MGMT: variants seen among roughly 807,000 people sequenced by gnomAD.
The protein encoded by MGMT is methylated-DNA--protein-cysteine methyltransferase.
MGMT carries 14 observed loss-of-function variants against 15.9 expected under a neutral mutation model. The observed-to-expected ratio is 0.88, with a 90% CI of 0.58 to 1.37. The LOEUF (loss-of-function observed/expected upper bound fraction) is 1.37, where lower values mean the gene tolerates loss of function less well. Among genes scored for constraint, MGMT ranks in the 40% most tolerant of loss-of-function variants. The probability of loss-of-function intolerance (pLI) is 0.00; values close to 1 mark genes in which losing one functional copy is unlikely to be tolerated. For synonymous variants in MGMT, 130 were observed against 118.2 expected, an observed-to-expected ratio of 1.10 and a Z score of -0.65; for missense variants, 282 against 268.1, an observed-to-expected ratio of 1.05 and a Z score of -0.36.
At chr10:129,648,130 A>G (rs1243532641) in intron 2 of MGMT, among the ~76,000 whole-genome samples, 1 of 152,216 alleles carries the variant, frequency 6.6e-6, no homozygotes. Context: ...GATTGTGACA[A>G]TACAATATTA....
In MGMT at chr10:129,657,674, A is replaced by AGC. The variant is rs71478948; in HGVS notation, c.126-50221_126-50220insGC. 4.3e-5 allele frequency among the ~76,000 whole-genome samples: 4 copies of AGC among 93,458 alleles called. No homozygotes were observed. The East Asian group carries it at 1.7e-3, about 39-fold the overall frequency. The allele number at this position is 93,458 out of a possible 152,430, so 61.3% of individuals were successfully genotyped here. On this transcript the variant is annotated intron_variant, in intron 2 of 4. Transcript: ENST00000651593. ...GGGGGACAGGCTGGCCAGCTCCTCC[A>AGC]ACACACACACACACACACACACACA...
chr10:129,711,023 C>T (rs1045399986), intron 3 of MGMT, among the ~76,000 whole-genome samples: 1 of 152,154 alleles, frequency 6.6e-6, no homozygotes, highest in South Asian at 2.1e-4. Context: ...TGAGCTCATC[C>T]TTGAGTTCCA....
At chr10:129,622,793 A>G (rs1278068737) in intron 2 of MGMT, among the ~76,000 whole-genome samples, 1 of 126,700 alleles carries the variant, frequency 7.9e-6, no homozygotes, top group Non-Finnish European at 1.7e-5. Context: ...AATGGCCTGT[A>G]AAAAAAAAAA....
intron 2 of MGMT, among the ~76,000 whole-genome samples, chr10:129,599,053 G>A (rs1846786225): frequency 6.6e-6 from 1 of 152,226 alleles, no homozygotes. Flanking sequence ...ATTTAAAGGA[G>A]TTTAATTGAG....
chr10:129,712,555 C>G (rs1474135780), intron 3 of MGMT, among the ~76,000 whole-genome samples: 4 of 152,118 alleles, frequency 2.6e-5, no homozygotes, highest in African/African-American at 4.8e-5. Context: ...AAAAGCGCCT[C>G]TAACAAAAGC....
chr10:129,508,520 C>CTTTTTTTTTTT (rs11311009), intron 1 of MGMT, among the ~76,000 whole-genome samples: 2 of 141,536 alleles, frequency 1.4e-5, no homozygotes, highest in Non-Finnish European at 1.5e-5. Context: ...TTCTTTCTTT[C>CTTTTTTTTTTT]TTTTTTTTTT....
chr10:129,630,668 G>T (rs1847199837), intron 2 of MGMT, among the ~76,000 whole-genome samples: 1 of 152,160 alleles, frequency 6.6e-6, no homozygotes, highest in South Asian at 2.1e-4. Context: ...ACAGAAGGAA[G>T]ATTTTTGTGG....
chr10:129,596,754 G>A (rs569622419), intron 2 of MGMT, among the ~76,000 whole-genome samples: 1 of 152,216 alleles, frequency 6.6e-6, no homozygotes, highest in South Asian at 2.1e-4. Context: ...GGACAGCTAG[G>A]TCGTGCTTGC....
intron 1 of MGMT, among the ~76,000 whole-genome samples, chr10:129,517,385 C>T (rs537563355): frequency 6.6e-6 from 1 of 152,374 alleles, no homozygotes; most frequent in East Asian, 1.9e-4. Context: ...TGCCCCACCT[C>T]ACCTCTGTTC....
At chr10:129,580,739 C>A (rs570049231) in intron 2 of MGMT, among the ~76,000 whole-genome samples, 7 of 152,336 alleles carry the variant, frequency 4.6e-5, no homozygotes, top group Admixed American at 4.6e-4. Context: ...ATTGGGGATA[C>A]CCCGTGACCA....
intron 2 of MGMT, among the ~76,000 whole-genome samples, chr10:129,602,259 G>A (rs974262656): frequency 1.3e-5 from 2 of 151,880 alleles, no homozygotes; most frequent in African/African-American, 2.4e-5. Context: ...TCAAGAAAAT[G>A]TTGTGAGTGT....
In MGMT at chr10:129,561,327, T is replaced by G. The variant is rs1589867189; in HGVS notation, c.125+24950T>G. Reference sequence around the variant, plus strand: ...CAGGGGTGGGTCAGGGTGCAGGCGGTGAGACGGCGAGCGAGGAGGTCGGGA... The same window carrying G: ...CAGGGGTGGGTCAGGGTGCAGGCGGGGAGACGGCGAGCGAGGAGGTCGGGA... On this transcript the variant is annotated intron_variant, in intron 2 of 4. Transcript: ENST00000651593. Among the ~76,000 whole-genome samples, 3 of 151,928 alleles carry G rather than the reference T, an allele frequency of 2.0e-5. No individual in the cohort carries two copies. The South Asian group carries it at 6.2e-4, about 32-fold the overall frequency.
intron 1 of MGMT, among the ~76,000 whole-genome samples, chr10:129,521,395 C>T (rs912674934): frequency 2.6e-5 from 4 of 152,160 alleles, no homozygotes; most frequent in African/African-American, 9.7e-5. Context: ...CCTCACAGCT[C>T]ACTGCAATTC....
intron 1 of MGMT, 50 bp downstream of exon 1, chr10:129,467,346 G>A: frequency 6.7e-7 from 1 of 1,500,214 alleles, no homozygotes; most frequent in East Asian, 2.7e-5. Context: ...GCTCTCCCTC[G>A]GGACGGTGGC....
At chr10:129,743,450 A>C (rs910835443) in intron 3 of MGMT, among the ~76,000 whole-genome samples, 3 of 152,198 alleles carry the variant, frequency 2.0e-5, no homozygotes, top group African/African-American at 7.2e-5. Flanking sequence ...ACAGAGGTGC[A>C]TCAGTGCGTT....
Position 129,698,027 on chromosome 10 carries a change from C to G in MGMT, c.126-9868C>G, listed in dbSNP as rs139449891. Among the ~76,000 whole-genome samples, 715 of 152,296 alleles carry G rather than the reference C, an allele frequency of 4.7e-3. 5 individuals carry two copies. Among genetic ancestry groups the G allele is most frequent in the African/African-American group, 0.017 (698 of 41,574 alleles). ...TGTTGTCCCCTTTTGTGGACGTGGA[C>G]GTTGACTCTCCATGTCTGGTCTGTG... On this transcript the variant is annotated intron_variant, in intron 2 of 4. Transcript: ENST00000651593.
intron 1 of MGMT, among the ~76,000 whole-genome samples, chr10:129,523,169 T>C (rs1046906058): frequency 4.6e-5 from 7 of 152,012 alleles, no homozygotes; most frequent in African/African-American, 1.7e-4. Context: ...TTGTGAGGAG[T>C]GTGCTGCTGG....
At chr10:129,723,286 CCCT>C (rs1848394637) in intron 3 of MGMT, among the ~76,000 whole-genome samples, 1 of 152,090 alleles carries the variant, frequency 6.6e-6, no homozygotes, top group Admixed American at 6.6e-5. Context: ...CAACCATTCC[CCCT>C]GAGTCCCCAA....
At chr10:129,688,070 G>A (rs1490517433) in intron 2 of MGMT, among the ~76,000 whole-genome samples, 4 of 152,116 alleles carry the variant, frequency 2.6e-5, no homozygotes, top group Non-Finnish European at 4.4e-5. Context: ...GTGTATATGT[G>A]CCACATTTTC....
Sources: gnomAD v4.1 joint callset for allele counts (sites outside exome capture counted in the v4.1 genomes callset) on GRCh38, gnomAD v4.1.1 for gene constraint, MANE v1.5 for transcripts, NCBI Gene and HGNC (gene_info 2026-07-23, HGNC 2026-07-21) for gene names.